The following ZFAT variants were observed in gnomAD, a reference collection of about 807,000 sequenced individuals.
The protein encoded by ZFAT is zinc finger protein ZFAT.
Under a neutral mutation model 117.7 loss-of-function variants are expected in ZFAT, and 64 were observed. The ratio of observed to expected loss-of-function variants is 0.54; its 90% CI spans 0.44 to 0.67. ZFAT has a LOEUF of 0.67. ZFAT is among the 30% of genes least tolerant of loss of function. The pLI is 0.00. For missense variants in ZFAT, 1,433 were observed against 1,584.5 expected, an observed-to-expected ratio of 0.90 and a Z score of 1.62; for synonymous variants, 679 against 615.0, an observed-to-expected ratio of 1.10 and a Z score of -1.54.
chr8:134,495,456 G>T (rs928088662), intron 15 of ZFAT, among the ~76,000 whole-genome samples: 14 of 152,244 alleles, frequency 9.2e-5, no homozygotes, highest in South Asian at 2.1e-4. Flanking sequence ...ATGAATTAAG[G>T]GGGGAACGTG....
chr8:134,501,510 G>A (rs141005410), intron 15 of ZFAT, among the ~76,000 whole-genome samples: 227 of 152,264 alleles, frequency 1.5e-3, no homozygotes, highest in Non-Finnish European at 2.7e-3. Flanking sequence ...CCTTAGATGA[G>A]CCACAATAAT....
chr8:134,519,779 T>G (rs1408784708), intron 13 of ZFAT, among the ~76,000 whole-genome samples: 1 of 152,206 alleles, frequency 6.6e-6, no homozygotes, highest in Non-Finnish European at 1.5e-5. Flanking sequence ...GGAAACACTC[T>G]AGTGTTTCCC....
chr8:134,554,270 T>C (rs1823400778), intron 11 of ZFAT, among the ~76,000 whole-genome samples: 1 of 151,932 alleles, frequency 6.6e-6, no homozygotes, highest in East Asian at 1.9e-4. Flanking sequence ...AGGGGTGGAG[T>C]ATTCCTGCTC....
intron 15 of ZFAT, among the ~76,000 whole-genome samples, chr8:134,502,497 C>G (rs991491765): frequency 1.3e-5 from 2 of 152,210 alleles, no homozygotes. Context: ...GGCTGGCAAC[C>G]AACATATGTC....
At position 134,686,499 on chromosome 8, in the gene ZFAT, C is replaced by T. The variant is rs551305272; in HGVS notation, c.19+26346G>A. Among the ~76,000 whole-genome samples, 4 of 152,030 alleles carry T rather than the reference C, an allele frequency of 2.6e-5. No homozygotes were observed. The South Asian group carries it at 6.2e-4, about 24-fold the overall frequency. On this transcript the variant is annotated intron_variant, in intron 1 of 15. Coordinates refer to ENST00000377838, the MANE Select transcript of ZFAT (RefSeq NM_020863.4). ...CATATTTCTCTACATGTATGTTACA[C>T]GTTAATCTAAGAAAATGTGAACAGC...
At chr8:134,622,477 T>C (rs898006074) in intron 3 of ZFAT, among the ~76,000 whole-genome samples, 6 of 152,152 alleles carry the variant, frequency 3.9e-5, no homozygotes, top group Non-Finnish European at 8.8e-5. Context: ...CAGGGTCTAG[T>C]GCCCCTGCAG....
intron 1 of ZFAT, among the ~76,000 whole-genome samples, chr8:134,686,218 T>C (rs1009167465): frequency 3.3e-4 from 51 of 152,348 alleles, no homozygotes; most frequent in African/African-American, 1.1e-3. Context: ...TTCCCGTGTA[T>C]GCCCACATTT....
intron 15 of ZFAT, among the ~76,000 whole-genome samples, chr8:134,503,671 A>C (rs991793183): frequency 2.0e-5 from 3 of 152,154 alleles, no homozygotes; most frequent in African/African-American, 7.2e-5. Flanking sequence ...ATAGAATTAA[A>C]AAGGTGACCC....
At chr8:134,743,259 T>A in the ZFAT span, among the ~76,000 whole-genome samples, 1 of 152,130 alleles carries the variant, frequency 6.6e-6, no homozygotes, top group Non-Finnish European at 1.5e-5. Flanking sequence ...GAGGCAGAGG[T>A]GGGTGGATCA....
the ZFAT span, among the ~76,000 whole-genome samples, chr8:134,782,696 T>C: frequency 0.077 from 11,766 of 152,168 alleles, 529 homozygotes; most frequent in Non-Finnish European, 0.1. Context: ...CATTCTCTTG[T>C]CTGCTGCCAT....
intron 5 of ZFAT, among the ~76,000 whole-genome samples, chr8:134,608,191 A>T (rs1828036691): frequency 6.6e-6 from 1 of 152,232 alleles, no homozygotes; most frequent in Non-Finnish European, 1.5e-5. Context: ...GTATTTGCAA[A>T]AAACAACAAA....
At chr8:134,652,807 C>T (rs1179455989) in intron 2 of ZFAT, among the ~76,000 whole-genome samples, 3 of 152,090 alleles carry the variant, frequency 2.0e-5, no homozygotes, top group Non-Finnish European at 2.9e-5. Flanking sequence ...AACAGAAGAT[C>T]TTAGATCCTA....
intron 9 of ZFAT, among the ~76,000 whole-genome samples, chr8:134,586,790 T>C (rs1483133496): frequency 6.6e-6 from 1 of 152,230 alleles, no homozygotes; most frequent in Admixed American, 6.5e-5. Context: ...AACAAGTCAG[T>C]TCAGAAGAGA....
intron 1 of ZFAT, among the ~76,000 whole-genome samples, chr8:134,709,595 G>A (rs574497604): frequency 1.1e-4 from 17 of 152,320 alleles, no homozygotes; most frequent in East Asian, 5.8e-4. Flanking sequence ...TCTCTTTTAC[G>A]TAATTAAATC....
At chr8:134,693,105 G>A (rs1376295333) in intron 1 of ZFAT, among the ~76,000 whole-genome samples, 1 of 152,156 alleles carries the variant, frequency 6.6e-6, no homozygotes, top group Non-Finnish European at 1.5e-5. Flanking sequence ...TTTCCTAGCT[G>A]TGTTTCTGAG....
chr8:134,749,324 G>C, the ZFAT span, among the ~76,000 whole-genome samples: 3 of 152,146 alleles, frequency 2.0e-5, no homozygotes, highest in Middle Eastern at 3.4e-3. Flanking sequence ...TCTTAGACTG[G>C]GTAATTTATA....
intron 1 of ZFAT, among the ~76,000 whole-genome samples, chr8:134,710,968 G>C (rs1001853580): frequency 5.3e-5 from 8 of 152,152 alleles, no homozygotes; most frequent in African/African-American, 1.9e-4. Context: ...GAAAAACAAG[G>C]TGTTCAAGGT....
intron 2 of ZFAT, among the ~76,000 whole-genome samples, chr8:134,655,067 G>A (rs934758916): frequency 6.6e-6 from 1 of 152,182 alleles, no homozygotes; most frequent in Non-Finnish European, 1.5e-5. Context: ...GGCTTCCCAG[G>A]CAGGGGTGGC....
At chr8:134,588,171 C>G in intron 9 of ZFAT, 75 bp downstream of exon 9, 1 of 1,477,354 alleles carries the variant, frequency 6.8e-7, no homozygotes, top group Non-Finnish European at 9.0e-7. Context: ...ACGGCTTCCT[C>G]TTAATGTACT....
Sources: allele counts gnomAD v4.1 joint callset (sites outside exome capture counted in the v4.1 genomes callset), GRCh38; gene constraint gnomAD v4.1.1; transcripts MANE v1.5; gene names NCBI Gene and HGNC (gene_info 2026-07-23, HGNC 2026-07-21).